The following ITPR2 variants were observed in gnomAD, a reference collection of about 807,000 sequenced individuals.
ITPR2 encodes the protein inositol 1,4,5-trisphosphate-gated calcium channel ITPR2.
ITPR2 carries 207 observed loss-of-function variants against 317.1 expected under a neutral mutation model. That is an observed-to-expected ratio of 0.65 (90% CI 0.58 to 0.73). The LOEUF is 0.73. Ranked by LOEUF, ITPR2 falls within the 30% of genes least tolerant of loss-of-function variation. The probability of loss-of-function intolerance (pLI) is 0.00; values close to 1 mark genes in which losing one functional copy is unlikely to be tolerated. For synonymous variants in ITPR2, 1,156 were observed against 1,149.1 expected, an observed-to-expected ratio of 1.01 and a Z score of -0.12; for missense variants, 2,613 against 3,284.0, an observed-to-expected ratio of 0.80 and a Z score of 4.99.
chr12:26,401,515 T>C (rs1351907360), intron 52 of ITPR2, among the ~76,000 whole-genome samples: 7 of 152,240 alleles, frequency 4.6e-5, no homozygotes, highest in Non-Finnish European at 5.9e-5. Flanking sequence ...TGAAACATAA[T>C]TTCTTAGCCA....
intron 48 of ITPR2, among the ~76,000 whole-genome samples, chr12:26,434,385 C>T (rs1373140842): frequency 6.6e-6 from 1 of 152,114 alleles, no homozygotes; most frequent in Admixed American, 6.6e-5. Context: ...ATCAGTATTA[C>T]TATTATAACT....
chr12:26,624,470 C>T (rs1946574447), intron 23 of ITPR2, 114 bp from the exon 24 acceptor site: 1 of 709,812 alleles, frequency 1.4e-6, no homozygotes, highest in African/African-American at 1.8e-5. Flanking sequence ...CTTTATTCGA[C>T]CAAAAGTCAA....
At chr12:26,397,618 G>C (rs1037985936) in intron 54 of ITPR2, among the ~76,000 whole-genome samples, 1 of 152,078 alleles carries the variant, frequency 6.6e-6, no homozygotes, top group South Asian at 2.1e-4. Flanking sequence ...ACTGAATATA[G>C]CATAATATTA....
At chr12:26,399,525 T>TA (rs1940102647) in intron 53 of ITPR2, among the ~76,000 whole-genome samples, 1 of 152,198 alleles carries the variant, frequency 6.6e-6, no homozygotes, top group African/African-American at 2.4e-5. Flanking sequence ...AAATGCAAAT[T>TA]AGAGACCAGG....
At chr12:26,703,420 T>C (rs912311364) in intron 9 of ITPR2, among the ~76,000 whole-genome samples, 8 of 152,210 alleles carry the variant, frequency 5.3e-5, no homozygotes, top group Non-Finnish European at 1.2e-4. Context: ...AATAAATGTA[T>C]ACTTTCAGTA....
chr12:26,468,598 A>G (rs1187249695), intron 45 of ITPR2, among the ~76,000 whole-genome samples: 1 of 151,182 alleles, frequency 6.6e-6, no homozygotes. Context: ...TTGCATCTGT[A>G]CACAAGAAAC....
chr12:26,507,458 T>C (rs1943219185), intron 37 of ITPR2, among the ~76,000 whole-genome samples: 1 of 152,334 alleles, frequency 6.6e-6, no homozygotes, highest in South Asian at 2.1e-4. Flanking sequence ...GTGATAGATA[T>C]TTCACTACTT....
intron 37 of ITPR2, among the ~76,000 whole-genome samples, chr12:26,523,770 TATCTC>T (rs1416621625): frequency 6.6e-6 from 1 of 152,232 alleles, no homozygotes; most frequent in African/African-American, 2.4e-5. Context: ...AGTAAAAGCT[TATCTC>T]ATGCAGACTC....
intron 26 of ITPR2, among the ~76,000 whole-genome samples, chr12:26,609,486 G>A (rs1015387384): frequency 6.6e-6 from 1 of 152,040 alleles, no homozygotes; most frequent in Admixed American, 6.6e-5. Flanking sequence ...GCACACATAT[G>A]GTCCCAGCTA....
At chr12:26,763,812 C>A (rs1397955983) in intron 2 of ITPR2, among the ~76,000 whole-genome samples, 1 of 152,076 alleles carries the variant, frequency 6.6e-6, no homozygotes. Context: ...AATTGGCACA[C>A]CCACTTGGCC....
intron 45 of ITPR2, among the ~76,000 whole-genome samples, chr12:26,462,207 C>T (rs537132761): frequency 4.2e-5 from 5 of 118,072 alleles, no homozygotes; most frequent in Admixed American, 1.7e-4. Flanking sequence ...TCCTCTGCTG[C>T]CCAGACTGGA....
intron 36 of ITPR2, among the ~76,000 whole-genome samples, chr12:26,555,038 G>T (rs1258390807): frequency 6.6e-6 from 1 of 152,082 alleles, no homozygotes; most frequent in African/African-American, 2.4e-5. Context: ...AGACTGGCAG[G>T]TGTCTGGACA....
chr12:26,514,993 AAAAT>A (rs1429170442), intron 37 of ITPR2, among the ~76,000 whole-genome samples: 6 of 152,186 alleles, frequency 3.9e-5, no homozygotes, highest in Admixed American at 3.9e-4. Context: ...AAGATGATGG[AAAAT>A]TATCCTCCTA....
At chr12:26,512,382 A>C (rs1943376960) in intron 37 of ITPR2, among the ~76,000 whole-genome samples, 1 of 152,212 alleles carries the variant, frequency 6.6e-6, no homozygotes, top group South Asian at 2.1e-4. Flanking sequence ...AGATAAATGC[A>C]TACCTGATTG....
intron 55 of ITPR2, among the ~76,000 whole-genome samples, chr12:26,345,888 A>C (rs1169376207): frequency 6.7e-6 from 1 of 150,294 alleles, no homozygotes; most frequent in Non-Finnish European, 1.5e-5. Context: ...AGTTTGATTT[A>C]GTTTGTTATT....
At chr12:26,722,276 T>C (rs1244009184) in intron 5 of ITPR2, 121 bp downstream of exon 5, 21 of 809,518 alleles carry the variant, frequency 2.6e-5, no homozygotes, top group Non-Finnish European at 3.8e-5. Flanking sequence ...GATACTAACA[T>C]AAAAATCAGG....
chr12:26,417,308 T>G (rs1940749873), intron 50 of ITPR2, among the ~76,000 whole-genome samples: 1 of 152,118 alleles, frequency 6.6e-6, no homozygotes, highest in South Asian at 2.1e-4. Flanking sequence ...AAAATACAAT[T>G]AGAAAATGGG....
intron 2 of ITPR2, among the ~76,000 whole-genome samples, chr12:26,769,895 C>G (rs941256732): frequency 9.9e-5 from 15 of 152,200 alleles, no homozygotes; most frequent in African/African-American, 3.4e-4. Context: ...TTTCTTACCA[C>G]ATCACGTTCC....
At chr12:26,804,888 C>T (rs553026525) in intron 1 of ITPR2, among the ~76,000 whole-genome samples, 2 of 152,232 alleles carry the variant, frequency 1.3e-5, no homozygotes, top group South Asian at 4.2e-4. Flanking sequence ...GCGTGCACCA[C>T]CACACCTGGC....
Sources: allele counts gnomAD v4.1 joint callset (sites outside exome capture counted in the v4.1 genomes callset), GRCh38; gene constraint gnomAD v4.1.1; transcripts MANE v1.5; gene names NCBI Gene and HGNC (gene_info 2026-07-23, HGNC 2026-07-21).